Variants in SNTG1 observed in about 807,000 individuals in gnomAD.
SNTG1 encodes the protein syntrophin gamma 1, also known as gamma-1-syntrophin.
In SNTG1, 39 loss-of-function variants were observed where a neutral mutation model predicts 74.7. The observed-to-expected ratio is 0.52, with a 90% CI of 0.40 to 0.68. The LOEUF is 0.68. Among genes scored for constraint, SNTG1 ranks in the 30% least tolerant of loss-of-function variants. SNTG1 has a pLI of 0.00. For synonymous variants in SNTG1, 254 were observed against 217.1 expected (o/e 1.17, Z -1.49); for missense variants, 685 against 609.5 (o/e 1.12, Z -1.30).
intron 2 of SNTG1, among the ~76,000 whole-genome samples, chr8:50,306,762 T>C (rs986318891): frequency 6.6e-6 from 1 of 151,952 alleles, no homozygotes; most frequent in Non-Finnish European, 1.5e-5. Flanking sequence ...TTTCTTTGAG[T>C]TCCATGTAGA....
chr8:50,528,773 G>A (rs2094242410), intron 9 of SNTG1, among the ~76,000 whole-genome samples: 1 of 151,042 alleles, frequency 6.6e-6, no homozygotes, highest in Admixed American at 6.6e-5. Context: ...TCCTGATGTT[G>A]ATAACTTGTA....
At chr8:50,391,651 A>T (rs530068261) in intron 2 of SNTG1, among the ~76,000 whole-genome samples, 1 of 152,284 alleles carries the variant, frequency 6.6e-6, no homozygotes, top group Non-Finnish European at 1.5e-5. Flanking sequence ...GAATGGTACC[A>T]GCTCCTCTTT....
intron 4 of SNTG1, among the ~76,000 whole-genome samples, chr8:50,429,374 C>G (rs1415966602): frequency 6.6e-6 from 1 of 151,970 alleles, no homozygotes; most frequent in Non-Finnish European, 1.5e-5. Context: ...GTACCCAAAC[C>G]AATGAAGAAA....
At chr8:50,470,314 G>C (rs2093641657) in intron 8 of SNTG1, among the ~76,000 whole-genome samples, 1 of 152,222 alleles carries the variant, frequency 6.6e-6, no homozygotes, top group South Asian at 2.1e-4. Flanking sequence ...AAGACATTGT[G>C]TCCAGAATTG....
At chr8:50,157,287 G>C (rs941618982) in intron 1 of SNTG1, among the ~76,000 whole-genome samples, 3 of 152,050 alleles carry the variant, frequency 2.0e-5, no homozygotes, top group Non-Finnish European at 4.4e-5. Context: ...GAGTGACTGT[G>C]CCTGAGTGCT....
At chr8:50,167,567 C>T (rs1323083694) in intron 1 of SNTG1, among the ~76,000 whole-genome samples, 1 of 150,576 alleles carries the variant, frequency 6.6e-6, no homozygotes, top group African/African-American at 2.4e-5. Context: ...GAGGCCTTGG[C>T]AGGCAGATTG....
At chr8:49,956,270 G>A (rs570417568) in intron 1 of SNTG1, among the ~76,000 whole-genome samples, 4 of 152,330 alleles carry the variant, frequency 2.6e-5, no homozygotes, top group African/African-American at 9.6e-5. Context: ...ACCTTACAAA[G>A]CCAATATAGT....
chr8:50,214,423 A>C (rs2084676921), intron 2 of SNTG1, among the ~76,000 whole-genome samples: 1 of 152,004 alleles, frequency 6.6e-6, no homozygotes, highest in Non-Finnish European at 1.5e-5. Flanking sequence ...ATAAAATAAA[A>C]ATAAAAATAA....
chr8:50,108,788 A>G (rs1258523920), intron 1 of SNTG1, among the ~76,000 whole-genome samples: 1 of 152,084 alleles, frequency 6.6e-6, no homozygotes, highest in African/African-American at 2.4e-5. Context: ...AATTTGCTTG[A>G]TTTTGAGTAT....
chr8:49,958,274 A>G (rs552668471), intron 1 of SNTG1, among the ~76,000 whole-genome samples: 42 of 152,320 alleles, frequency 2.8e-4, no homozygotes, highest in African/African-American at 1.0e-3. Context: ...AGGGAGGCAC[A>G]TACCTGCGGA....
rs181164786 is a variant in SNTG1, at chr8:50,688,393, T to C, written c.1039-16207T>C. Among the ~76,000 whole-genome samples the C allele has an allele frequency of 2.0e-3, 305 of 152,346 alleles. 4 individuals carry two copies. The highest frequency in any genetic ancestry group is 7.2e-3 in the African/African-American group (298 of 41,574). ...TCTAGGGTTTTTATGGTTTTAGGTC[T>C]AACATTTAAGTCTTTAATCCATCTT... On this transcript the variant is annotated intron_variant, in intron 15 of 18. Transcript: ENST00000642720.
rs552615710 is a variant in SNTG1 at position 50,242,056 on chromosome 8, T to A, written c.-28+69421T>A. 1.4e-4 allele frequency among the ~76,000 whole-genome samples: 21 copies of A among 152,048 alleles called. No individual in the cohort carries two copies. In the East Asian group the frequency reaches 4.1e-3, roughly 29 times the overall value. On this transcript the variant is annotated intron_variant, in intron 2 of 18. Transcript: ENST00000642720. ...ATCACTAGATAGATACATAGATAGA[T>A]AGACACACAGATACACACACACATA...
chr8:49,940,873 A>T, intron 1 of SNTG1, among the ~76,000 whole-genome samples: 1 of 152,228 alleles, frequency 6.6e-6, no homozygotes, highest in East Asian at 1.9e-4. Flanking sequence ...CTTTAGTCTC[A>T]GGGGTCAGGA....
intron 12 of SNTG1, among the ~76,000 whole-genome samples, chr8:50,555,217 C>A (rs1450116779): frequency 1.3e-5 from 2 of 152,176 alleles, no homozygotes; most frequent in Non-Finnish European, 2.9e-5. Context: ...GTTTGGAGAT[C>A]CATATGTCTG....
intron 1 of SNTG1, among the ~76,000 whole-genome samples, chr8:49,935,146 T>C (rs902498053): frequency 1.1e-4 from 17 of 151,474 alleles, no homozygotes; most frequent in Non-Finnish European, 4.4e-5. Context: ...TAAGAACTTA[T>C]TCCAGACTTG....
intron 1 of SNTG1, among the ~76,000 whole-genome samples, chr8:49,996,660 TTGTC>T (rs1443146637): frequency 2.6e-5 from 4 of 152,146 alleles, no homozygotes; most frequent in Non-Finnish European, 4.4e-5. Flanking sequence ...ATTATCTAGA[TTGTC>T]TGGCAATTAT....
At chr8:50,525,862 G>T (rs755148526) in intron 9 of SNTG1, among the ~76,000 whole-genome samples, 1 of 150,298 alleles carries the variant, frequency 6.7e-6, no homozygotes, top group Non-Finnish European at 1.5e-5. Context: ...CTTGGTTTTC[G>T]GTGGTTTATT....
At chr8:50,692,567 C>T (rs1037616061) in intron 15 of SNTG1, among the ~76,000 whole-genome samples, 1 of 152,090 alleles carries the variant, frequency 6.6e-6, no homozygotes, top group Non-Finnish European at 1.5e-5. Flanking sequence ...GAACAGCGGA[C>T]ATTAGTGAAC....
chr8:50,143,290 GT>G (rs2081738981), intron 1 of SNTG1, among the ~76,000 whole-genome samples: 1 of 151,980 alleles, frequency 6.6e-6, no homozygotes, highest in African/African-American at 2.4e-5. Flanking sequence ...TTCCTGTCTA[GT>G]TTTCAAGTTT....
Sources: allele counts gnomAD v4.1 joint callset (sites outside exome capture counted in the v4.1 genomes callset), GRCh38; gene constraint gnomAD v4.1.1; transcripts MANE v1.5; gene names NCBI Gene and HGNC (gene_info 2026-07-23, HGNC 2026-07-21).